The following CPB1 variants were observed in gnomAD, a reference collection of about 807,000 sequenced individuals.
The protein encoded by CPB1 is carboxypeptidase B.
Under a neutral mutation model 51.4 loss-of-function variants are expected in CPB1, and 53 were observed. The observed-to-expected ratio is 1.03, with a 90% CI of 0.83 to 1.30. CPB1 has a LOEUF of 1.30. CPB1 is among the 50% of genes most tolerant of loss of function. The pLI is 0.00. For synonymous variants in CPB1, 189 were observed against 186.9 expected (o/e 1.01, Z -0.09); for missense variants, 494 against 516.2 (o/e 0.96, Z 0.42).
At chr3:148,858,091 C>T (rs904650915) in intron 10 of CPB1, among the ~76,000 whole-genome samples, 5 of 152,116 alleles carry the variant, frequency 3.3e-5, no homozygotes, top group African/African-American at 1.2e-4. Context: ...CTTTAAAGAA[C>T]TAGCAGTAGG....
chr3:148,857,071 T>TTTTTTTTTTTTTTTTTTTTTC (rs1713591581), intron 9 of CPB1: 1 of 145,280 alleles, frequency 6.9e-6, no homozygotes, highest in African/African-American at 2.5e-5. Flanking sequence ...TGTTTTTTTT[T>TTTTTTTTTTTTTTTTTTTTTC]TTTTTTTTTT....
At chr3:148,854,184 G>A (rs1713508807) in intron 9 of CPB1, 1 of 152,186 alleles carries the variant, frequency 6.6e-6, no homozygotes, top group African/African-American at 2.4e-5. Context: ...TCAGTCATCT[G>A]GGTTGATTGG....
chr3:148,853,403 T>C (rs1713487471), intron 9 of CPB1, among the ~76,000 whole-genome samples: 1 of 152,194 alleles, frequency 6.6e-6, no homozygotes, highest in Non-Finnish European at 1.5e-5. Context: ...CCTCTCCTTA[T>C]TCATCTCACC....
chr3:148,827,937 A>T, intron 1 of CPB1, 43 bp downstream of exon 1: 1 of 1,611,958 alleles, frequency 6.2e-7, no homozygotes, highest in Non-Finnish European at 8.5e-7. Context: ...CTTCCTTGCT[A>T]GCCCCCAAAT....
Position 148,859,995 on chromosome 3 carries a change from T to C in CPB1, c.1247T>C (p.Leu416Pro). Residue 416 changes from leucine to proline, a missense_variant, in exon 11 of 11, where the codon CTG becomes CCG. Leu to Pro is a moderately conservative substitution (Grantham distance 98). Coordinates refer to ENST00000282957, the MANE Select transcript of CPB1 (RefSeq NM_001871.3). The stretch of plus-strand genomic sequence containing the variant: ...GTTGCCAGCTACGTCCTGGAACACC[T>C]GTACTAGTTGAGAAAGCTGATGGCC... The part of the protein sequence containing the change: ...KYVASYVLEH[L>P]Y The C allele has an allele frequency of 6.2e-7, 1 of 1,608,410 alleles. No individual in the cohort carries two copies.
At chr3:148,857,281 T>C in intron 9 of CPB1, 176 bp from the exon 10 acceptor site, 1 of 534,678 alleles carries the variant, frequency 1.9e-6, no homozygotes, top group South Asian at 2.1e-5. Flanking sequence ...TGCACAAGAA[T>C]TACTTGGATC....
intron 9 of CPB1, chr3:148,854,779 A>G (rs1246455736): frequency 6.6e-6 from 1 of 152,270 alleles, no homozygotes; most frequent in African/African-American, 2.4e-5. Context: ...TGGTGAGGAA[A>G]TAGATGCAAA....
At chr3:148,843,084 C>T (rs1381747483) in intron 6 of CPB1, among the ~76,000 whole-genome samples, 1 of 151,978 alleles carries the variant, frequency 6.6e-6, no homozygotes, top group South Asian at 2.1e-4. Flanking sequence ...GAGAAGACTA[C>T]GGAGACGTGA....
In CPB1 at chr3:148,841,860, TG is replaced by T; in HGVS notation, c.514del (p.Asp172ThrfsTer19). The T allele has an allele frequency of 1.2e-6, 2 of 1,614,044 alleles. No homozygotes were observed. The highest frequency in any genetic ancestry group is 1.7e-6 in the Non-Finnish European group (2 of 1,179,900). On this transcript the variant is annotated frameshift_variant, in exon 6 of 11. Coordinates refer to ENST00000282957, the MANE Select transcript of CPB1 (RefSeq NM_001871.3). LOFTEE classifies it high-confidence loss of function. ...GGACAAAATAAGCCTGCCATTTTCA[TG>T]GACTGTGGTTTCCATGCCAGAGAGT... is the stretch of plus-strand genomic sequence containing the variant. The part of the protein sequence containing the change: ...KAGQNKPAIF[M>X]DCGFHAREWI...
chr3:148,845,673 T>A lies in CPB1; in HGVS notation c.981+47T>A, dbSNP rs151168626. 291 of 1,440,826 alleles carry A rather than the reference T, an allele frequency of 2.0e-4. 1 individual carries two copies. The African/African-American group carries it at 3.3e-3, about 16-fold the overall frequency. The allele number at this position is 1,440,826 out of a possible 1,614,324, so 89.3% of individuals were successfully genotyped here. On this transcript the variant is annotated intron_variant, in intron 9 of 10. Transcript: ENST00000282957. ...ATGACATTTTACTATTGAGATTTTT[T>A]AAATTCTAATCCTGAAAAAAAAATC...
chr3:148,857,236 T>G, intron 9 of CPB1: 3 of 430,412 alleles, frequency 7.0e-6, no homozygotes, highest in South Asian at 2.9e-5. Flanking sequence ...AGGCTCAGAG[T>G]GAATGCTTGG....
intron 9 of CPB1, among the ~76,000 whole-genome samples, chr3:148,849,565 A>G (rs1048541282): frequency 1.3e-5 from 2 of 152,088 alleles, no homozygotes; most frequent in African/African-American, 2.4e-5. Flanking sequence ...AGATGTCTAC[A>G]TGACACTGTT....
intron 2 of CPB1, among the ~76,000 whole-genome samples, chr3:148,833,558 C>A (rs1712801831): frequency 6.6e-6 from 1 of 152,104 alleles, no homozygotes; most frequent in South Asian, 2.1e-4. Context: ...GCGCAAACAT[C>A]CGAACAGAGA....
intron 2 of CPB1, among the ~76,000 whole-genome samples, chr3:148,830,252 G>A (rs1179595101): frequency 1.3e-5 from 2 of 152,032 alleles, no homozygotes; most frequent in Non-Finnish European, 2.9e-5. Context: ...TGAGCCCTTC[G>A]AGCTCTGATT....
intron 2 of CPB1, among the ~76,000 whole-genome samples, chr3:148,828,278 C>T (rs1177218289): frequency 6.6e-6 from 1 of 152,140 alleles, no homozygotes; most frequent in Non-Finnish European, 1.5e-5. Context: ...TATTATAAAT[C>T]CATGGTAACT....
At chr3:148,846,458 G>C (rs1048251093) in intron 9 of CPB1, among the ~76,000 whole-genome samples, 1 of 151,616 alleles carries the variant, frequency 6.6e-6, no homozygotes, top group Non-Finnish European at 1.5e-5. Context: ...AAAAAAAAAT[G>C]TATTCCATTT....
At chr3:148,851,372 A>G (rs1713426352) in intron 9 of CPB1, 1 of 145,678 alleles carries the variant, frequency 6.9e-6, no homozygotes, top group Admixed American at 6.8e-5. Context: ...AGAAAGAGAG[A>G]AAAAAAGAAA....
chr3:148,857,609 C>A, intron 10 of CPB1, 68 bp downstream of exon 10: 2 of 1,176,824 alleles, frequency 1.7e-6, no homozygotes, highest in Non-Finnish European at 2.5e-6. Context: ...GTTCCTGGGG[C>A]CTTTCTTTTC....
intron 2 of CPB1, among the ~76,000 whole-genome samples, chr3:148,833,587 G>A (rs1187756241): frequency 6.6e-6 from 1 of 152,112 alleles, no homozygotes; most frequent in African/African-American, 2.4e-5. Context: ...GACACAGGGA[G>A]AAAGAAAGAC....
Sources: allele counts gnomAD v4.1 joint callset (sites outside exome capture counted in the v4.1 genomes callset), GRCh38; gene constraint gnomAD v4.1.1; transcripts MANE v1.5; gene names NCBI Gene and HGNC (gene_info 2026-07-23, HGNC 2026-07-21).